RBFOX1: variants seen among roughly 807,000 people sequenced by gnomAD.
RBFOX1 encodes the protein RNA binding fox-1 homolog 1, also known as RNA binding protein fox-1 homolog 1.
RBFOX1 carries 8 observed loss-of-function variants against 57.7 expected under a neutral mutation model. The observed-to-expected ratio is 0.14, with a 90% CI of 0.08 to 0.25. The LOEUF (loss-of-function observed/expected upper bound fraction) is 0.25, where lower values mean the gene tolerates loss of function less well. RBFOX1 is among the 10% of genes least tolerant of loss of function. The pLI is 1.00. For missense variants in RBFOX1, 611 were observed against 548.5 expected, an observed-to-expected ratio of 1.11 and a Z score of -1.14; for synonymous variants, 326 against 222.4, an observed-to-expected ratio of 1.47 and a Z score of -4.15.
At chr16:7,343,909 C>G (rs1167878657) in intron 4 of RBFOX1, among the ~76,000 whole-genome samples, 1 of 152,122 alleles carries the variant, frequency 6.6e-6, no homozygotes, top group South Asian at 2.1e-4. Context: ...GCACCTGGCA[C>G]ATAGAAAGTC....
chr16:5,897,810 T>A (rs923433578), intron 4 of RBFOX1, among the ~76,000 whole-genome samples: 70 of 151,642 alleles, frequency 4.6e-4, no homozygotes, highest in Non-Finnish European at 1.0e-4. Flanking sequence ...AATCATACCT[T>A]CTATTGCAAT....
At chr16:6,970,120 G>A (rs1457377752) in intron 3 of RBFOX1, among the ~76,000 whole-genome samples, 2 of 151,958 alleles carry the variant, frequency 1.3e-5, no homozygotes, top group Admixed American at 1.3e-4. Context: ...CAAGACTGAA[G>A]CGAGCTATGA....
intron 3 of RBFOX1, among the ~76,000 whole-genome samples, chr16:6,735,775 G>A (rs1282338726): frequency 6.6e-6 from 1 of 152,192 alleles, no homozygotes; most frequent in Non-Finnish European, 1.5e-5. Flanking sequence ...CATGGGTGGT[G>A]ATCTGTGGTT....
At chr16:7,470,245 T>G (rs1470722575) in intron 4 of RBFOX1, among the ~76,000 whole-genome samples, 1 of 152,234 alleles carries the variant, frequency 6.6e-6, no homozygotes, top group Admixed American at 6.5e-5. Flanking sequence ...GATTTCTGTG[T>G]CTGCCTCTCA....
chr16:6,840,739 T>G (rs867513551), intron 3 of RBFOX1, among the ~76,000 whole-genome samples: 1 of 151,672 alleles, frequency 6.6e-6, no homozygotes, highest in African/African-American at 2.4e-5. Flanking sequence ...ATACAAAAAT[T>G]AGATCAGTGT....
In RBFOX1 at chr16:5,428,120, GTC is replaced by G. The variant is rs1491059501; in HGVS notation, c.220-39094_220-39093del. Among the ~76,000 whole-genome samples, 298 of 98,634 alleles carry G rather than the reference GTC, an allele frequency of 3.0e-3. 3 individuals are homozygous for G. The highest frequency in any genetic ancestry group is 9.3e-3 in the African/African-American group (279 of 29,966). The allele number at this position is 98,634 out of a possible 152,430, so 64.7% of individuals were successfully genotyped here. On this transcript the variant is annotated intron_variant, in intron 1 of 2. Transcript: ENST00000585867. ...GCTCTGGAAGGGTGTGTGTGTGTGT[GTC>G]TGTGTGTGTGTGTGTGTGTGTGTGT... is the stretch of plus-strand genomic sequence containing the variant.
At chr16:5,625,023 C>T (rs1167665818) in intron 3 of RBFOX1, among the ~76,000 whole-genome samples, 2 of 152,290 alleles carry the variant, frequency 1.3e-5, no homozygotes, top group East Asian at 3.9e-4. Flanking sequence ...GAGATACCAG[C>T]AGTCACCCTC....
At chr16:5,663,256 G>C (rs894204390) in intron 3 of RBFOX1, among the ~76,000 whole-genome samples, 2 of 152,120 alleles carry the variant, frequency 1.3e-5, no homozygotes, top group Non-Finnish European at 2.9e-5. Flanking sequence ...TGTCACCCGG[G>C]CTGGAGTGCA....
intron 1 of RBFOX1, among the ~76,000 whole-genome samples, chr16:6,049,053 C>CTTT (rs534794320): frequency 2.7e-5 from 3 of 112,852 alleles, no homozygotes; most frequent in Admixed American, 9.5e-5. Flanking sequence ...CTTCTAACAG[C>CTTT]TTTTTTTTTT....
At chr16:5,588,752 G>A (rs1028543090) in intron 2 of RBFOX1, among the ~76,000 whole-genome samples, 7 of 152,120 alleles carry the variant, frequency 4.6e-5, no homozygotes, top group African/African-American at 9.7e-5. Flanking sequence ...ACTGAGGGTC[G>A]GGGGGAAATG....
intron 3 of RBFOX1, among the ~76,000 whole-genome samples, chr16:6,751,911 G>T (rs2074996649): frequency 6.6e-6 from 1 of 152,118 alleles, no homozygotes; most frequent in Non-Finnish European, 1.5e-5. Flanking sequence ...TTTTCCAGGG[G>T]TGCCAGCGTG....
At chr16:5,391,742 C>G (rs958248095) in intron 1 of RBFOX1, among the ~76,000 whole-genome samples, 3 of 151,922 alleles carry the variant, frequency 2.0e-5, no homozygotes, top group Middle Eastern at 3.2e-3. Context: ...TGTCTGTTTT[C>G]ATATCTAGAT....
rs114484817 is a variant in RBFOX1 at position 6,872,769 on chromosome 16, A to C, written c.-15-179288A>C. On this transcript the variant is annotated intron_variant, in intron 3 of 15. Coordinates refer to ENST00000550418, the MANE Select transcript of RBFOX1 (RefSeq NM_018723.4). Reference sequence around the variant, plus strand: ...CAGGAGTTAAAAGTGCAAAAAAATAAAATAACTGAGATAAGAGTTGAATTG... The same window carrying C: ...CAGGAGTTAAAAGTGCAAAAAAATACAATAACTGAGATAAGAGTTGAATTG... Among the ~76,000 whole-genome samples, 871 of 152,302 alleles carry C rather than the reference A, an allele frequency of 5.7e-3. 8 individuals carry two copies. Among genetic ancestry groups the C allele is most frequent in the African/African-American group, 0.019 (808 of 41,572 alleles).
intron 1 of RBFOX1, among the ~76,000 whole-genome samples, chr16:6,204,316 A>G (rs1412685988): frequency 1.3e-5 from 2 of 152,168 alleles, no homozygotes; most frequent in African/African-American, 4.8e-5. Context: ...CAATGTTGCG[A>G]CAAGATTGAC....
chr16:6,822,261 G>T (rs2091435845), intron 3 of RBFOX1, among the ~76,000 whole-genome samples: 2 of 152,144 alleles, frequency 1.3e-5, no homozygotes, highest in South Asian at 4.1e-4. Context: ...ATGCTCAGTA[G>T]TCCCACTTTC....
chr16:7,243,530 C>G (rs775178119), intron 4 of RBFOX1, among the ~76,000 whole-genome samples: 2 of 152,078 alleles, frequency 1.3e-5, no homozygotes, highest in East Asian at 1.9e-4. Context: ...GAAGTTGACC[C>G]CTTACTCTTT....
chr16:5,729,957 G>A (rs2052301788), intron 3 of RBFOX1, among the ~76,000 whole-genome samples: 2 of 152,192 alleles, frequency 1.3e-5, no homozygotes, highest in African/African-American at 4.8e-5. Flanking sequence ...TGCAGCACCT[G>A]CCTTTGGAGA....
intron 1 of RBFOX1, among the ~76,000 whole-genome samples, chr16:5,461,913 A>G (rs74004320): frequency 0.057 from 8,720 of 152,240 alleles, 840 homozygotes; most frequent in African/African-American, 0.2. Flanking sequence ...AGGGGTAGCT[A>G]TCTACCCAGT....
chr16:7,548,535 C>G (rs1032528077), intron 5 of RBFOX1, among the ~76,000 whole-genome samples: 2 of 152,200 alleles, frequency 1.3e-5, no homozygotes, highest in Non-Finnish European at 2.9e-5. Context: ...TACTCCATCC[C>G]TCAAGGAACT....
Sources: gnomAD v4.1 joint callset for allele counts (sites outside exome capture counted in the v4.1 genomes callset) on GRCh38, gnomAD v4.1.1 for gene constraint, MANE v1.5 for transcripts, NCBI Gene and HGNC (gene_info 2026-07-23, HGNC 2026-07-21) for gene names.